The following PHACTR3 variants were observed in gnomAD, a reference collection of about 807,000 sequenced individuals.
PHACTR3 encodes phosphatase and actin regulator 3.
A neutral mutation model predicts 66.8 loss-of-function variants in PHACTR3; 16 were observed. The observed-to-expected ratio is 0.24, with a 90% CI of 0.16 to 0.36. The LOEUF (loss-of-function observed/expected upper bound fraction) is 0.36, where lower values mean the gene tolerates loss of function less well. Among genes scored for constraint, PHACTR3 ranks in the 10% least tolerant of loss-of-function variants. The pLI is 1.00. For synonymous variants in PHACTR3, 323 were observed against 292.1 expected, an observed-to-expected ratio of 1.11 and a Z score of -1.08; for missense variants, 647 against 719.9, an observed-to-expected ratio of 0.90 and a Z score of 1.16.
intron 11 of PHACTR3, 42 bp downstream of exon 11, chr20:59,841,577 A>G: frequency 1.3e-6 from 2 of 1,578,110 alleles, no homozygotes; most frequent in Non-Finnish European, 1.7e-6. Context: ...TGGATGATAT[A>G]ATAAAGGCAA....
At chr20:59,665,134 A>G (rs2035941708) in intron 1 of PHACTR3, among the ~76,000 whole-genome samples, 1 of 152,244 alleles carries the variant, frequency 6.6e-6, no homozygotes, top group South Asian at 2.1e-4. Context: ...TACCCACTGT[A>G]GAAAAACTTC....
Position 59,692,074 on chromosome 20 carries a change from C to T in PHACTR3, c.119-51033C>T, listed in dbSNP as rs561917273. On this transcript the variant is annotated intron_variant, in intron 1 of 12. Transcript: ENST00000371015. ...TATCTCTTAGCCTTCCGAGACAGGA[C>T]GCAATGTAGCCAACACCACTCCTTT... is the stretch of plus-strand genomic sequence containing the variant. Among the ~76,000 whole-genome samples, 14 of 152,302 alleles carry T rather than the reference C, an allele frequency of 9.2e-5. No individual in the cohort carries two copies. The East Asian group carries it at 2.1e-3, about 23-fold the overall frequency.
intron 1 of PHACTR3, among the ~76,000 whole-genome samples, chr20:59,664,355 C>T (rs985410078): frequency 6.6e-6 from 1 of 152,162 alleles, no homozygotes; most frequent in South Asian, 2.1e-4. Flanking sequence ...ATGGCTCTTC[C>T]TCCAAAGTGA....
intron 1 of PHACTR3, among the ~76,000 whole-genome samples, chr20:59,583,074 A>T (rs1260024444): frequency 6.6e-6 from 1 of 152,208 alleles, no homozygotes; most frequent in Non-Finnish European, 1.5e-5. Context: ...AGCCGGGGGC[A>T]TACCAGGATG....
chr20:59,697,525 A>G (rs147025313), intron 1 of PHACTR3, among the ~76,000 whole-genome samples: 193 of 152,292 alleles, frequency 1.3e-3, no homozygotes, highest in African/African-American at 4.3e-3. Flanking sequence ...CTTCTTAGCC[A>G]TGAGACCATT....
intron 1 of PHACTR3, among the ~76,000 whole-genome samples, chr20:59,686,758 GTGA>G (rs1486785816): frequency 2.5e-4 from 25 of 98,212 alleles, no homozygotes; most frequent in Middle Eastern, 9.7e-3. Context: ...GATGATGATG[GTGA>G]TGATGATGGT....
intron 1 of PHACTR3, among the ~76,000 whole-genome samples, chr20:59,655,190 A>G (rs2035578950): frequency 6.6e-6 from 1 of 152,100 alleles, no homozygotes. Context: ...CACCTTTTTC[A>G]AAAGTGAGTG....
At chr20:59,826,289 T>C (rs2145443347) in intron 8 of PHACTR3, among the ~76,000 whole-genome samples, 1 of 152,226 alleles carries the variant, frequency 6.6e-6, no homozygotes, top group South Asian at 2.1e-4. Flanking sequence ...TGCCACAGGC[T>C]CGGGCCTCTG....
chr20:59,739,741 A>G (rs2039083909), intron 1 of PHACTR3, among the ~76,000 whole-genome samples: 1 of 152,116 alleles, frequency 6.6e-6, no homozygotes, highest in Non-Finnish European at 1.5e-5. Context: ...TAACCATATC[A>G]GCACTCTATT....
intron 1 of PHACTR3, among the ~76,000 whole-genome samples, chr20:59,609,664 G>A (rs906229373): frequency 1.1e-4 from 17 of 152,316 alleles, no homozygotes; most frequent in African/African-American, 3.8e-4. Context: ...TCCTGGGCGT[G>A]GGAGAGGGCG....
chr20:59,612,913 C>T (rs773454217), intron 1 of PHACTR3, among the ~76,000 whole-genome samples: 25 of 152,146 alleles, frequency 1.6e-4, no homozygotes, highest in South Asian at 2.1e-4. Context: ...GGGGAGCCAG[C>T]ACATCACACA....
chr20:59,812,879 TGAG>T (rs922874547), intron 8 of PHACTR3, among the ~76,000 whole-genome samples: 20 of 152,206 alleles, frequency 1.3e-4, no homozygotes, highest in South Asian at 2.1e-4. Context: ...GCTCTGCAGA[TGAG>T]GAGACTGGGC....
Position 59,595,111 on chromosome 20 carries a change from C to T in PHACTR3, c.109+17494C>T, listed in dbSNP as rs545290579. 9.2e-5 allele frequency among the ~76,000 whole-genome samples: 14 copies of T among 152,212 alleles called. No homozygotes were observed. In the South Asian group the frequency reaches 2.9e-3, roughly 32 times the overall value. ...AGATTTTCCAGTTATCTTTTTGTTA[C>T]TAATTTCTAGTTTAATTTCACTGTG... is the stretch of plus-strand genomic sequence containing the variant. On this transcript the variant is annotated intron_variant, in intron 1 of 12. Coordinates refer to the PHACTR3 transcript ENST00000359926.
intron 7 of PHACTR3, among the ~76,000 whole-genome samples, chr20:59,781,143 G>A (rs190733539): frequency 3.0e-3 from 462 of 152,304 alleles, no homozygotes; most frequent in African/African-American, 0.011. Context: ...TGTCCCTGCC[G>A]CTGCATAGGT....
intron 1 of PHACTR3, among the ~76,000 whole-genome samples, chr20:59,712,709 G>A (rs938244705): frequency 1.3e-5 from 2 of 152,174 alleles, no homozygotes; most frequent in Non-Finnish European, 2.9e-5. Flanking sequence ...TTTTCTGGGT[G>A]ACTTGTATTT....
rs1600897443 is a variant in PHACTR3 at position 59,605,108 on chromosome 20, T to C, written c.94T>C (p.Ser32Pro). Residue 32 changes from serine (S) to proline (P), a missense_variant, in exon 1 of 13, where the codon TCC becomes CCC. Physicochemically the swap from Ser to Pro is moderately conservative, Grantham distance 74. This residue lies in a region of PHACTR3 where 577 missense variants were observed against 571.1 expected (regional missense o/e 1.01). Coordinates refer to ENST00000371015, the MANE Select transcript of PHACTR3 (RefSeq NM_080672.5). Reference sequence around the variant, plus strand: ...CCTCACCGACTCCTCGGCCACCTCCTCCGCGGACGCCGGGGAGAACCCAGG... The same window carrying C: ...CCTCACCGACTCCTCGGCCACCTCCCCCGCGGACGCCGGGGAGAACCCAGG... The part of the protein sequence containing the change: ...SVLTDSSATS[S>P]ADAGENPDEM... The C allele has an allele frequency of 8.0e-7, 1 of 1,246,118 alleles. No homozygotes were observed. The highest frequency in any genetic ancestry group is 1.0e-6 in the Non-Finnish European group (1 of 976,360). 77.2% of individuals were successfully genotyped at this position (1,246,118 alleles called of 1,614,324 possible). A position where few individuals can be genotyped will look rare whatever the true frequency, so the allele number is the denominator to read the frequency against.
intron 3 of PHACTR3, among the ~76,000 whole-genome samples, chr20:59,752,892 C>T (rs1292972522): frequency 6.6e-6 from 1 of 152,164 alleles, no homozygotes; most frequent in East Asian, 1.9e-4. Context: ...CCAGCTCTCA[C>T]ATTCCCTGTG....
chr20:59,841,173 CCTT>C (rs765618766), intron 10 of PHACTR3, among the ~76,000 whole-genome samples: 8 of 152,192 alleles, frequency 5.3e-5, no homozygotes, highest in East Asian at 1.9e-4. Flanking sequence ...GGGTGTGACT[CCTT>C]CTGATAAAAT....
chr20:59,592,840 T>C (rs563273870), intron 1 of PHACTR3, among the ~76,000 whole-genome samples: 3 of 151,880 alleles, frequency 2.0e-5, no homozygotes, highest in Non-Finnish European at 4.4e-5. Flanking sequence ...CATTTTTTTT[T>C]GTACTGAATA....
Sources: gnomAD v4.1 joint callset for allele counts (sites outside exome capture counted in the v4.1 genomes callset) on GRCh38, gnomAD v4.1.1 for gene constraint, gnomAD v4.1.1 regional missense constraint, MANE v1.5 for transcripts, NCBI Gene and HGNC (gene_info 2026-07-23, HGNC 2026-07-21) for gene names.